MORN1: variants seen among roughly 807,000 people sequenced by gnomAD.
MORN1 encodes the protein MORN repeat-containing protein 1.
In MORN1, 67 loss-of-function variants were observed where a neutral mutation model predicts 61.9. The observed-to-expected ratio is 1.08, with a 90% CI of 0.89 to 1.33. The LOEUF (loss-of-function observed/expected upper bound fraction) is 1.33. Among genes scored for constraint, MORN1 ranks in the 40% most tolerant of loss-of-function variants. The pLI, the probability that MORN1 is intolerant of heterozygous loss-of-function variation, is 0.00. For missense variants in MORN1, 752 were observed against 691.2 expected (o/e 1.09, Z -0.99); for synonymous variants, 301 against 292.0 (o/e 1.03, Z -0.31).
chr1:2,361,005 G>A (rs571468153), intron 8 of MORN1, among the ~76,000 whole-genome samples: 93 of 152,240 alleles, frequency 6.1e-4, no homozygotes, highest in African/African-American at 2.1e-3. Context: ...CCAGAACAAA[G>A]CTCAAGAATA....
Position 2,358,683 on chromosome 1 carries a change from C to T in MORN1, c.778G>A (p.Gly260Ser). ...GCTGACAGCTGCACGTATCTGACGC[C>T]CGCTGAGATCTGCAGGACCCGGCCG... ...ESGRVLQISA[G>S]VRYVQLSAYS... is the part of the protein sequence containing the mutation. Residue 260 changes from glycine to serine, a missense_variant, in exon 9 of 14, where the codon GGC becomes AGC. Gly to Ser is a moderately conservative substitution (Grantham distance 56). Coordinates refer to ENST00000378531, the MANE Select transcript of MORN1 (RefSeq NM_024848.3). The T allele has an allele frequency of 6.2e-7, 1 of 1,613,576 alleles. No individual in the cohort carries two copies. The highest frequency in any genetic ancestry group is 8.5e-7 in the Non-Finnish European group (1 of 1,179,778).
In MORN1 at chr1:2,337,785, C is replaced by A. The variant is rs1217586525; in HGVS notation, c.1037-935G>T. Among the ~76,000 whole-genome samples, 1 of 151,944 alleles carries A rather than the reference C, an allele frequency of 6.6e-6. No individual in the cohort carries two copies. The highest frequency in any genetic ancestry group is 1.9e-4 in the East Asian group (1 of 5,184). On this transcript the variant is annotated intron_variant, in intron 10 of 13. Coordinates refer to ENST00000378531, the MANE Select transcript of MORN1 (RefSeq NM_024848.3). The surrounding 1 kb of genome is among the most constrained non-coding windows in gnomAD (Gnocchi z 5.7). ...ACGGGATGTGGTGAGGGCTGGAGGTCGGCACCAGAGCTGGCTGGACAGGGG... is the reference window on the plus strand; with the variant it reads ...ACGGGATGTGGTGAGGGCTGGAGGTAGGCACCAGAGCTGGCTGGACAGGGG...
rs1011712226 is a variant in MORN1 at position 2,337,891 on chromosome 1, A to G, written c.1037-1041T>C. On this transcript the variant is annotated intron_variant, in intron 10 of 13. Coordinates refer to ENST00000378531, the MANE Select transcript of MORN1 (RefSeq NM_024848.3). This position sits in a 1 kb window ranked among gnomAD's most constrained non-coding sequence, Gnocchi z 5.7. ...TCCCCACCAGGCAGTGACACCATCA[A>G]AAAAACAGAAGAGACCCAGCTCCAG... 1.3e-5 allele frequency among the ~76,000 whole-genome samples: 2 copies of G among 152,178 alleles called. No individual in the cohort carries two copies. The highest frequency in any genetic ancestry group is 6.5e-5 in the Admixed American group (1 of 15,286).
chr1:2,349,856 C>T (rs1291499870), intron 10 of MORN1, among the ~76,000 whole-genome samples: 1 of 152,130 alleles, frequency 6.6e-6, no homozygotes, highest in Admixed American at 6.5e-5. Context: ...CACTCAGATC[C>T]GTTGAAAATA....
At chr1:2,351,932 G>T (rs904134843) in intron 10 of MORN1, 1 of 514,234 alleles carries the variant, frequency 1.9e-6, no homozygotes, top group South Asian at 1.6e-5. Context: ...GGCCACCCAC[G>T]GGCCCACCAA....
At chr1:2,373,156 G>T (rs1388279330) in intron 7 of MORN1, among the ~76,000 whole-genome samples, 1 of 152,074 alleles carries the variant, frequency 6.6e-6, no homozygotes, top group Non-Finnish European at 1.5e-5. Context: ...TGCCATCCCT[G>T]ACTCTCCCCT....
rs1167105621 is a variant in MORN1, at chr1:2,391,485, C to T, written c.49G>A (p.Asp17Asn). 8.0e-7 allele frequency: 1 copy of T among 1,253,098 alleles called. No individual in the cohort carries two copies. Among genetic ancestry groups the T allele is most frequent in the Non-Finnish European group, 1.0e-6 (1 of 992,598 alleles). 77.6% of individuals were successfully genotyped at this position (1,253,098 alleles called of 1,614,324 possible). A position where few individuals can be genotyped will look rare whatever the true frequency, so the allele number is the denominator to read the frequency against. The change falls in exon 1 of 14, where the codon GAC becomes AAC. Residue 17 changes from aspartate (D) to asparagine (N), a missense_variant. Coordinates refer to ENST00000378531, the MANE Select transcript of MORN1 (RefSeq NM_024848.3). ...TTCCGGGGCGGCCGCCTAGGCGGGT[C>T]CCGACGCGGCCCGCGGGAGCTCGGG... is the stretch of plus-strand genomic sequence containing the variant. ...GTPSSRGPRR[D>N]PPRRPPRNGY...
Position 2,336,499 on chromosome 1 carries a change from G to T in MORN1, c.1220C>A (p.Pro407His), listed in dbSNP as rs764614196. Reference sequence around the variant, plus strand: ...GCCTCCAGGAGGCTCCTGTGCCGTGGGTGGTGTCCCCCTGGGGTGCAGGCC... The same window carrying T: ...GCCTCCAGGAGGCTCCTGTGCCGTGTGTGGTGTCCCCCTGGGGTGCAGGCC... ...RGGLHPRGTP[P>H]TAQEPPGGSR... Residue 407 changes from proline to histidine, a missense_variant, in exon 12 of 14, where the codon CCC becomes CAC. Coordinates refer to ENST00000378531, the MANE Select transcript of MORN1 (RefSeq NM_024848.3). The T allele has an allele frequency of 2.1e-5, 34 of 1,612,676 alleles. No homozygotes were observed. The East Asian group carries it at 3.3e-4, about 16-fold the overall frequency.
intron 12 of MORN1, among the ~76,000 whole-genome samples, chr1:2,324,871 G>T (rs561760420): frequency 6.6e-6 from 1 of 151,978 alleles, no homozygotes; most frequent in Non-Finnish European, 1.5e-5. Context: ...ACGGGCTGGG[G>T]CAGGGCCATG....
At chr1:2,343,044 T>A (rs1473428630) in intron 10 of MORN1, among the ~76,000 whole-genome samples, 3 of 152,050 alleles carry the variant, frequency 2.0e-5, no homozygotes, top group Admixed American at 6.6e-5. Flanking sequence ...CTCCCCTGCC[T>A]TTCCTGAGGC....
chr1:2,362,793 G>A (rs1233436037), intron 8 of MORN1, among the ~76,000 whole-genome samples: 1 of 152,126 alleles, frequency 6.6e-6, no homozygotes, highest in Non-Finnish European at 1.5e-5. Flanking sequence ...GAACCTGGGA[G>A]GCAGAGGTTG....
intron 10 of MORN1, among the ~76,000 whole-genome samples, chr1:2,349,973 A>T (rs1256528280): frequency 3.3e-5 from 5 of 152,112 alleles, no homozygotes; most frequent in Non-Finnish European, 7.4e-5. Flanking sequence ...TTCACAGGGG[A>T]TTGTTTGAGG....
chr1:2,329,411 G>A (rs995074765), intron 12 of MORN1, among the ~76,000 whole-genome samples: 1 of 152,218 alleles, frequency 6.6e-6, no homozygotes, highest in Non-Finnish European at 1.5e-5. Flanking sequence ...TCCAGCAGTA[G>A]GGCCAGGGCA....
chr1:2,327,647 G>T (rs1641065042), intron 12 of MORN1, among the ~76,000 whole-genome samples: 1 of 152,240 alleles, frequency 6.6e-6, no homozygotes, highest in African/African-American at 2.4e-5. Context: ...GGCCCGTGCG[G>T]CTTTTAGAAG....
intron 6 of MORN1, chr1:2,379,370 G>C: frequency 2.8e-6 from 1 of 355,368 alleles, no homozygotes; most frequent in Non-Finnish European, 5.6e-6. Context: ...GCGCTGGTTG[G>C]GGTGTGGCTG....
At chr1:2,325,123 CTTCCTTCCT>C (rs1640981581) in intron 12 of MORN1, among the ~76,000 whole-genome samples, 1 of 40,172 alleles carries the variant, frequency 2.5e-5, no homozygotes, top group African/African-American at 2.0e-4. Context: ...CCTTCCTTCC[CTTCCTTCCT>C]TCCCTCCCTC....
At chr1:2,338,900 C>T (rs1196911386) in intron 10 of MORN1, among the ~76,000 whole-genome samples, 1 of 152,072 alleles carries the variant, frequency 6.6e-6, no homozygotes, top group Admixed American at 6.6e-5. Context: ...GATCAGCAGC[C>T]GAGGCTCAGC....
At chr1:2,340,006 C>A (rs776735245) in intron 10 of MORN1, among the ~76,000 whole-genome samples, 3 of 152,242 alleles carry the variant, frequency 2.0e-5, no homozygotes, top group Non-Finnish European at 4.4e-5. Flanking sequence ...TTGCTGAAGA[C>A]GCAGGTTTTC....
chr1:2,333,512 G>A (rs540027817), intron 12 of MORN1, among the ~76,000 whole-genome samples: 2 of 152,340 alleles, frequency 1.3e-5, no homozygotes, highest in Non-Finnish European at 2.9e-5. Flanking sequence ...AAAGTTGTCA[G>A]TCACAGGGCC....
Sources: gnomAD v4.1 joint callset for allele counts (sites outside exome capture counted in the v4.1 genomes callset) on GRCh38, gnomAD v4.1.1 for gene constraint, Gnocchi (gnomAD v3.1) non-coding constraint, MANE v1.5 for transcripts, NCBI Gene and HGNC (gene_info 2026-07-23, HGNC 2026-07-21) for gene names.